The following SIN3B variants were observed in gnomAD, a reference collection of about 807,000 sequenced individuals.
SIN3B encodes paired amphipathic helix protein Sin3b.
A neutral mutation model predicts 120.2 loss-of-function variants in SIN3B; 19 were observed. That is an observed-to-expected ratio of 0.16 (90% CI 0.11 to 0.23). SIN3B has a LOEUF of 0.23. Ranked by LOEUF, SIN3B falls within the 10% of genes least tolerant of loss-of-function variation. The pLI, the probability that SIN3B is intolerant of heterozygous loss-of-function variation, is 1.00. For synonymous variants in SIN3B, 654 were observed against 653.2 expected (o/e 1.00, Z -0.02); for missense variants, 1,073 against 1,573.0 (o/e 0.68, Z 5.38).
intron 10 of SIN3B, among the ~76,000 whole-genome samples, chr19:16,864,617 C>T (rs2144612485): frequency 6.6e-6 from 1 of 152,118 alleles, no homozygotes; most frequent in South Asian, 2.1e-4. Context: ...AAGGAATGAG[C>T]CACCACACCT....
chr19:16,851,875 C>T (rs1394344201), intron 6 of SIN3B, among the ~76,000 whole-genome samples: 1 of 152,240 alleles, frequency 6.6e-6, no homozygotes. Flanking sequence ...TCAGGTTGGT[C>T]ACTGCACAGC....
At chr19:16,856,450 C>A (rs1971615764) in intron 8 of SIN3B, among the ~76,000 whole-genome samples, 1 of 152,028 alleles carries the variant, frequency 6.6e-6, no homozygotes, top group Admixed American at 6.6e-5. Flanking sequence ...CAGGGCCCTT[C>A]AAATACAATA....
chr19:16,875,821 G>A (rs2051595120), intron 14 of SIN3B: 1 of 572,576 alleles, frequency 1.7e-6, no homozygotes, highest in Non-Finnish European at 3.1e-6. Context: ...GTCTGGTCTG[G>A]TCTGTTTGGT....
intron 14 of SIN3B, chr19:16,875,829 GGTTTGGTCTGGTCTGGTCTGGTCT>G (rs1479711827): frequency 1.6e-5 from 9 of 563,396 alleles, no homozygotes; most frequent in Admixed American, 9.7e-5. Flanking sequence ...TGGTCTGTTT[GGTTTGGTCTGGTCTGGTCTGGTCT>G]GTTTGGTCTG....
chr19:16,852,152 A>C (rs1375658514), intron 6 of SIN3B, among the ~76,000 whole-genome samples: 1 of 152,174 alleles, frequency 6.6e-6, no homozygotes, highest in South Asian at 2.1e-4. Context: ...TTTGAGACAG[A>C]GTCTCGCTCT....
chr19:16,829,622 GC>G, intron 1 of SIN3B, 82 bp downstream of exon 1: 1 of 1,189,028 alleles, frequency 8.4e-7, no homozygotes, highest in East Asian at 3.3e-5. Context: ...GCCCCGCCCG[GC>G]CCCAGCCCCA....
At position 16,854,110 on chromosome 19, in the gene SIN3B, G is replaced by T. The variant is rs755430923; in HGVS notation, c.940-33G>T. The T allele has an allele frequency of 3.8e-5, 58 of 1,545,174 alleles. No individual in the cohort carries two copies. The South Asian group carries it at 5.4e-4, about 14-fold the overall frequency. Reference sequence around the variant, plus strand: ...CAGGCCCAGAGGCTGAGGAGCAGGGGTTCACAGTGGTCCCTGACTGCTCTC... The same window carrying T: ...CAGGCCCAGAGGCTGAGGAGCAGGGTTTCACAGTGGTCCCTGACTGCTCTC... On this transcript the variant is annotated intron_variant, in intron 7 of 18. Coordinates refer to ENST00000248054, the MANE Select transcript of SIN3B (RefSeq NM_001297595.2).
rs753447959 is a variant in SIN3B, at chr19:16,862,436, C to T, written c.1143C>T (p.Ser381=). 14 of 1,613,982 alleles carry T rather than the reference C, an allele frequency of 8.7e-6. No homozygotes were observed. In the African/African-American group the frequency reaches 1.2e-4, roughly 14 times the overall value. Residue 381 remains serine (S), a synonymous_variant, in exon 9 of 19, where the codon TCC becomes TCT. Coordinates refer to ENST00000248054, the MANE Select transcript of SIN3B (RefSeq NM_001297595.2). The surrounding 1 kb of genome is among the most constrained non-coding windows in gnomAD (Gnocchi z 4.7). ...TCGCGCCACCCATGAGCGACAGATCCGGGGACGGGATAAGCCGGGAAATTG... is the reference window on the plus strand; with the variant it reads ...TCGCGCCACCCATGAGCGACAGATCTGGGGACGGGATAAGCCGGGAAATTG... ...LSFAPPMSDR[S]GDGISREIDY... is the part of the protein sequence containing the mutation.
At chr19:16,845,553 C>T (rs10406694) in intron 4 of SIN3B, among the ~76,000 whole-genome samples, 26 of 151,720 alleles carry the variant, frequency 1.7e-4, no homozygotes, top group African/African-American at 6.1e-4. Flanking sequence ...GATTACAGGC[C>T]TGAGCTACCG....
At chr19:16,852,622 A>G (rs1971560108) in intron 6 of SIN3B, among the ~76,000 whole-genome samples, 1 of 152,186 alleles carries the variant, frequency 6.6e-6, no homozygotes, top group South Asian at 2.1e-4. Context: ...TCGTGCATCC[A>G]AGTTCAGGTC....
At chr19:16,849,428 G>C (rs528978765) in intron 5 of SIN3B, among the ~76,000 whole-genome samples, 83 of 152,242 alleles carry the variant, frequency 5.5e-4, no homozygotes, top group African/African-American at 2.0e-3. Context: ...GTGTGGCCGG[G>C]TACCAACAAA....
At chr19:16,841,305 G>A (rs187847831) in intron 3 of SIN3B, among the ~76,000 whole-genome samples, 3 of 152,204 alleles carry the variant, frequency 2.0e-5, no homozygotes, top group East Asian at 1.9e-4. Context: ...ACAGTGGGTC[G>A]CCTCTAACCT....
intron 13 of SIN3B, among the ~76,000 whole-genome samples, chr19:16,870,873 T>TA (rs2051501560): frequency 6.6e-6 from 1 of 152,030 alleles, no homozygotes; most frequent in South Asian, 2.1e-4. Flanking sequence ...GTATTTTTAA[T>TA]AGAGACAGGA....
intron 5 of SIN3B, 22 bp downstream of exon 5, chr19:16,847,135 C>G: frequency 6.3e-7 from 1 of 1,599,634 alleles, no homozygotes; most frequent in Non-Finnish European, 8.6e-7. Flanking sequence ...GAGCCCCTGC[C>G]CAGCCTCGGG....
intron 1 of SIN3B, 48 bp from the exon 2 acceptor site, chr19:16,829,743 C>A: frequency 6.6e-7 from 1 of 1,521,176 alleles, no homozygotes; most frequent in South Asian, 1.1e-5. Flanking sequence ...GCCCCTCGTC[C>A]CCTCGTTCCG....
intron 8 of SIN3B, among the ~76,000 whole-genome samples, chr19:16,857,388 G>A (rs1479618154): frequency 2.6e-5 from 4 of 151,670 alleles, no homozygotes; most frequent in Non-Finnish European, 5.9e-5. Context: ...CTCAAAGAGT[G>A]TGTTTATGTA....
In SIN3B at chr19:16,854,184, C is replaced by T. The variant is rs567109364; in HGVS notation, c.981C>T (p.Phe327=). ...VLKSQEVYEN[F]LRCIALFNQE... ...AGAGCCAGGAGGTGTATGAAAACTT[C>T]CTCCGCTGCATCGCACTCTTCAACC... The change falls in exon 8 of 19, where the codon TTC becomes TTT. Residue 327 remains phenylalanine (F), a synonymous_variant. Transcript: ENST00000248054. 3 of 1,612,698 alleles carry T rather than the reference C, an allele frequency of 1.9e-6. No individual in the cohort carries two copies. The highest frequency in any genetic ancestry group is 1.7e-5 in the Admixed American group (1 of 59,976).
Position 16,836,427 on chromosome 19 carries a change from C to A in SIN3B, c.381+4780C>A, listed in dbSNP as rs564006717. Among the ~76,000 whole-genome samples the A allele has an allele frequency of 2.6e-5, 4 of 152,252 alleles. No homozygotes were observed. In the East Asian group the frequency reaches 7.7e-4, roughly 29 times the overall value. On this transcript the variant is annotated intron_variant, in intron 3 of 18. Coordinates refer to ENST00000248054, the MANE Select transcript of SIN3B (RefSeq NM_001297595.2). ...ATCATTTACTGTCTGGTAATTCAGG[C>A]CTTGGTTGTAATGTCAGCTCCACAG...
At chr19:16,873,846 A>G (rs1452934176) in intron 14 of SIN3B, among the ~76,000 whole-genome samples, 1 of 152,208 alleles carries the variant, frequency 6.6e-6, no homozygotes, top group Non-Finnish European at 1.5e-5. Context: ...CCTCGAGGCC[A>G]TGTCTGGACT....
Sources: gnomAD v4.1 joint callset for allele counts (sites outside exome capture counted in the v4.1 genomes callset) on GRCh38, gnomAD v4.1.1 for gene constraint, Gnocchi (gnomAD v3.1) non-coding constraint, MANE v1.5 for transcripts, NCBI Gene and HGNC (gene_info 2026-07-23, HGNC 2026-07-21) for gene names.